CHODL: variants seen among roughly 807,000 people sequenced by gnomAD.
The protein encoded by CHODL is chondrolectin.
CHODL carries 29 observed loss-of-function variants against 34.5 expected under a neutral mutation model. That is an observed-to-expected ratio of 0.84 (90% CI 0.63 to 1.15). The LOEUF (loss-of-function observed/expected upper bound fraction) is 1.15, where lower values mean the gene tolerates loss of function less well. Among genes scored for constraint, CHODL ranks in the 50% most tolerant of loss-of-function variants. The pLI is 0.00. For synonymous variants in CHODL, 125 were observed against 116.1 expected (o/e 1.08, Z -0.49); for missense variants, 332 against 332.5 (o/e 1.00, Z 0.01).
intron 1 of CHODL, among the ~76,000 whole-genome samples, chr21:18,014,403 C>G (rs1600895958): frequency 6.6e-6 from 1 of 152,194 alleles, no homozygotes; most frequent in Non-Finnish European, 1.5e-5. Context: ...CACACATTCT[C>G]ACTTATAAGT....
At chr21:18,112,597 C>G (rs908218140) in intron 2 of CHODL, among the ~76,000 whole-genome samples, 1 of 152,136 alleles carries the variant, frequency 6.6e-6, no homozygotes, top group African/African-American at 2.4e-5. Context: ...ATAGAGAACT[C>G]AGAAACAAAT....
intron 2 of CHODL, among the ~76,000 whole-genome samples, chr21:18,110,826 A>G (rs2065340352): frequency 6.6e-6 from 1 of 152,078 alleles, no homozygotes; most frequent in African/African-American, 2.4e-5. Flanking sequence ...TCCCTGTCCA[A>G]TCCACCAAGG....
chr21:18,240,635 G>T (rs566109916), upstream of CHODL, among the ~76,000 whole-genome samples: 2 of 152,234 alleles, frequency 1.3e-5, no homozygotes, highest in African/African-American at 4.8e-5. Context: ...ATTAAGGCAA[G>T]ATTTAGTAAT....
chr21:18,208,475 T>G (rs939215133), intron 2 of CHODL, among the ~76,000 whole-genome samples: 1 of 152,254 alleles, frequency 6.6e-6, no homozygotes, highest in Middle Eastern at 3.4e-3. Context: ...CTTTTCAGAA[T>G]TGGTCCCTTA....
At chr21:18,207,886 T>C (rs7279300) in intron 2 of CHODL, among the ~76,000 whole-genome samples, 24,505 of 151,866 alleles carry the variant, frequency 0.16, 2,494 homozygotes, top group African/African-American at 0.28. Context: ...GGATTCTTTC[T>C]TGATCTTTAA....
At chr21:18,215,370 G>T (rs1010972348) in intron 2 of CHODL, among the ~76,000 whole-genome samples, 6 of 152,090 alleles carry the variant, frequency 3.9e-5, no homozygotes, top group African/African-American at 1.4e-4. Context: ...AATCAGGTTT[G>T]CAGGAATTTA....
chr21:17,945,199 G>C (rs1472384534), intron 1 of CHODL, among the ~76,000 whole-genome samples: 4 of 117,666 alleles, frequency 3.4e-5, no homozygotes, highest in East Asian at 2.7e-4. Context: ...GCAATGGAGC[G>C]AGACTCTGTT....
chr21:18,124,877 A>C (rs1223363879), intron 2 of CHODL, among the ~76,000 whole-genome samples: 3 of 152,258 alleles, frequency 2.0e-5, no homozygotes, highest in Non-Finnish European at 2.9e-5. Flanking sequence ...ATTATCATAG[A>C]TTACAAACAA....
intron 1 of CHODL, among the ~76,000 whole-genome samples, chr21:17,940,169 A>G (rs181383265): frequency 1.3e-3 from 203 of 152,344 alleles, no homozygotes; most frequent in Non-Finnish European, 2.1e-3. Context: ...AGCAAACTCA[A>G]TGTTTCAGGG....
intron 1 of CHODL, among the ~76,000 whole-genome samples, chr21:18,251,409 ATTTT>A (rs1240153260): frequency 4.1e-5 from 1 of 24,546 alleles, no homozygotes; most frequent in East Asian, 8.9e-4. Flanking sequence ...TAAAATATGT[ATTTT>A]ATTTATTTTA....
At chr21:18,184,688 C>T (rs1459841955) in intron 2 of CHODL, among the ~76,000 whole-genome samples, 1 of 152,184 alleles carries the variant, frequency 6.6e-6, no homozygotes, top group East Asian at 1.9e-4. Flanking sequence ...TTGCAAGTCC[C>T]CAGATTTGAA....
intron 1 of CHODL, among the ~76,000 whole-genome samples, chr21:17,978,723 GA>G (rs1480312681): frequency 0.018 from 993 of 56,124 alleles, 15 homozygotes; most frequent in African/African-American, 0.074. Flanking sequence ...TCTCAAAAAA[GA>G]AAAAAAAAGA....
chr21:18,049,205 C>T (rs1225753142), intron 2 of CHODL, among the ~76,000 whole-genome samples: 2 of 151,866 alleles, frequency 1.3e-5, no homozygotes, highest in Non-Finnish European at 2.9e-5. Context: ...AGGGAAGCTG[C>T]TGTGAATGCG....
chr21:18,036,897 C>T (rs1042732632), intron 2 of CHODL, among the ~76,000 whole-genome samples: 5 of 151,858 alleles, frequency 3.3e-5, no homozygotes, highest in African/African-American at 1.2e-4. Flanking sequence ...AATAGCATTG[C>T]CCTGCCATAT....
chr21:18,076,037 G>T lies in CHODL; in HGVS notation c.-45+48066G>T, dbSNP rs1228185878. Among the ~76,000 whole-genome samples, 4 of 152,274 alleles carry T rather than the reference G, an allele frequency of 2.6e-5. No individual in the cohort carries two copies. In the East Asian group the frequency reaches 7.7e-4, roughly 29 times the overall value. ...CTTCTCAGCTTCCAGAACTGAGAAA[G>T]ATAAATTTCTGTTGTTTATATGCCA... is the stretch of plus-strand genomic sequence containing the variant. On this transcript the variant is annotated intron_variant, in intron 2 of 6. Coordinates refer to the CHODL transcript ENST00000400127.
intron 2 of CHODL, among the ~76,000 whole-genome samples, chr21:18,185,966 A>G (rs1397769291): frequency 1.3e-5 from 2 of 152,114 alleles, no homozygotes; most frequent in African/African-American, 4.8e-5. Context: ...CGCCTTAGTG[A>G]TTAGGTTTTA....
chr21:18,158,071 GT>G (rs34811787), intron 2 of CHODL, among the ~76,000 whole-genome samples: 3,010 of 141,226 alleles, frequency 0.021, 77 homozygotes, highest in African/African-American at 0.068. Flanking sequence ...ATTCCAAAAG[GT>G]TTTTTTTTTT....
chr21:18,225,747 G>A (rs1054698206), intron 2 of CHODL, among the ~76,000 whole-genome samples: 5 of 151,944 alleles, frequency 3.3e-5, no homozygotes, highest in African/African-American at 1.2e-4. Context: ...ATAAAAATGA[G>A]CTTTTTTTGG....
chr21:18,128,296 C>CAAAAAAAAA (rs71189585), intron 2 of CHODL, among the ~76,000 whole-genome samples: 6 of 28,058 alleles, frequency 2.1e-4, no homozygotes, highest in Non-Finnish European at 3.1e-4. Flanking sequence ...GCAAGAGTCT[C>CAAAAAAAAA]AAAAAAAAAA....
Sources: gnomAD v4.1 joint callset for allele counts (sites outside exome capture counted in the v4.1 genomes callset) on GRCh38, gnomAD v4.1.1 for gene constraint, MANE v1.5 for transcripts, NCBI Gene and HGNC (gene_info 2026-07-23, HGNC 2026-07-21) for gene names.